The following NDE1 variants were observed in gnomAD, a reference collection of about 807,000 sequenced individuals.
The protein encoded by NDE1 is nuclear distribution protein nudE homolog 1.
A neutral mutation model predicts 43.4 loss-of-function variants in NDE1; 28 were observed. The observed-to-expected ratio is 0.65, with a 90% confidence interval of 0.48 to 0.89. NDE1 has a LOEUF of 0.89. Among genes scored for constraint, NDE1 ranks in the 40% least tolerant of loss-of-function variants. The pLI, the probability that NDE1 is intolerant of heterozygous loss-of-function variation, is 0.00. For synonymous variants in NDE1, 184 were observed against 172.0 expected, an observed-to-expected ratio of 1.07 and a Z score of -0.55; for missense variants, 441 against 434.1, an observed-to-expected ratio of 1.02 and a Z score of -0.14.
intron 8 of NDE1, chr16:15,708,668 C>G: frequency 1.1e-6 from 1 of 912,104 alleles, no homozygotes; most frequent in Non-Finnish European, 1.8e-6. Context: ...CAAAGATATC[C>G]AAGCCTCCAG....
intron 4 of NDE1, chr16:15,683,206 A>G (rs1203188660): frequency 2.0e-5 from 3 of 152,094 alleles, no homozygotes; most frequent in Non-Finnish European, 4.4e-5. Flanking sequence ...TAGTTATCTA[A>G]CCAGTATATC....
chr16:15,695,498 A>G, intron 7 of NDE1: 1 of 127,476 alleles, frequency 7.8e-6, no homozygotes, highest in Non-Finnish European at 1.0e-5. Context: ...TTGGTCTCAA[A>G]AAAAAAAAAA....
At chr16:15,655,898 A>G (rs1006209685) in intron 1 of NDE1, among the ~76,000 whole-genome samples, 1 of 148,780 alleles carries the variant, frequency 6.7e-6, no homozygotes, top group African/African-American at 2.5e-5. Flanking sequence ...CAAACACCGC[A>G]TATTCTCACT....
chr16:15,646,482 G>C (rs547147136), upstream of NDE1, among the ~76,000 whole-genome samples: 2 of 152,276 alleles, frequency 1.3e-5, no homozygotes, highest in African/African-American at 4.8e-5. Flanking sequence ...TCAGGAATCT[G>C]AGGCAGGAGA....
At chr16:15,710,128 C>G (rs933682035) in intron 8 of NDE1, among the ~76,000 whole-genome samples, 1 of 152,188 alleles carries the variant, frequency 6.6e-6, no homozygotes, top group African/African-American at 2.4e-5. Flanking sequence ...CGTGTCGGAA[C>G]TGGCAAAAAT....
intron 8 of NDE1, chr16:15,719,825 G>A: frequency 6.8e-7 from 1 of 1,470,254 alleles, no homozygotes; most frequent in Non-Finnish European, 9.4e-7. Flanking sequence ...TGACCACAAA[G>A]AAGTTCCCAT....
chr16:15,690,337 C>CTT (rs67220509), intron 5 of NDE1, among the ~76,000 whole-genome samples: 1,281 of 73,536 alleles, frequency 0.017, 7 homozygotes, highest in Non-Finnish European at 0.024. Flanking sequence ...TGCAACTGGC[C>CTT]TTTTTTTTTT....
intron 8 of NDE1, among the ~76,000 whole-genome samples, chr16:15,721,843 T>G (rs2040502303): frequency 6.6e-6 from 1 of 151,180 alleles, no homozygotes; most frequent in African/African-American, 2.4e-5. Flanking sequence ...AGCTGACTTG[T>G]TTTTTTTTGT....
intron 3 of NDE1, among the ~76,000 whole-genome samples, chr16:15,676,265 G>A (rs917460359): frequency 1.0e-5 from 1 of 100,002 alleles, no homozygotes; most frequent in African/African-American, 4.0e-5. Context: ...CGCTGTTATT[G>A]CCCAGGCTGG....
At chr16:15,676,000 A>G in intron 3 of NDE1, among the ~76,000 whole-genome samples, 1 of 152,132 alleles carries the variant, frequency 6.6e-6, no homozygotes, top group East Asian at 1.9e-4. Flanking sequence ...GAGGTGGCAC[A>G]GAATAAGTAT....
At chr16:15,716,285 G>A (rs532173676) in intron 8 of NDE1, among the ~76,000 whole-genome samples, 2 of 152,062 alleles carry the variant, frequency 1.3e-5, no homozygotes, top group South Asian at 4.2e-4. Context: ...TGTGGTGATC[G>A]TTTTTACATG....
At chr16:15,686,497 A>C in intron 4 of NDE1, 1 of 985,398 alleles carries the variant, frequency 1.0e-6, no homozygotes, top group South Asian at 4.7e-5. Context: ...GAGAGGTTAA[A>C]TATGATCTCT....
intron 8 of NDE1, chr16:15,719,287 C>T (rs755050373): frequency 1.2e-6 from 2 of 1,612,436 alleles, no homozygotes; most frequent in Non-Finnish European, 8.5e-7. Flanking sequence ...TGTTTGCGAG[C>T]CCTCTCAGCG....
At chr16:15,664,098 G>T (rs749326226) in intron 1 of NDE1, among the ~76,000 whole-genome samples, 1 of 151,694 alleles carries the variant, frequency 6.6e-6, no homozygotes, top group East Asian at 1.9e-4. Context: ...TATTTTATGC[G>T]TAATTTCCAT....
intron 8 of NDE1, chr16:15,719,531 G>A: frequency 1.2e-6 from 2 of 1,611,736 alleles, no homozygotes; most frequent in Non-Finnish European, 8.5e-7. Context: ...AGCTGCCAAG[G>A]GGTGCTACCG....
At chr16:15,711,013 C>G (rs1452127649) in intron 8 of NDE1, 1 of 152,406 alleles carries the variant, frequency 6.6e-6, no homozygotes, top group Non-Finnish European at 1.5e-5. Context: ...CTCTCCTCCA[C>G]TGACCCCTCA....
intron 3 of NDE1, among the ~76,000 whole-genome samples, chr16:15,676,744 G>A (rs906121395): frequency 6.6e-6 from 1 of 152,154 alleles, no homozygotes; most frequent in African/African-American, 2.4e-5. Flanking sequence ...GCCCACTGCA[G>A]CTTCGACCTC....
intron 8 of NDE1, among the ~76,000 whole-genome samples, chr16:15,697,307 T>C (rs1041646622): frequency 9.2e-5 from 14 of 152,284 alleles, no homozygotes; most frequent in Non-Finnish European, 1.5e-4. Context: ...CCTCCCAAAG[T>C]GCTGCGACGA....
At chr16:15,700,062 GC>G in intron 8 of NDE1, 1 of 1,170,874 alleles carries the variant, frequency 8.5e-7, no homozygotes, top group Non-Finnish European at 1.1e-6. Context: ...GACAAAAGGG[GC>G]TCTCTGGGAA....
Sources: allele counts gnomAD v4.1 joint callset (sites outside exome capture counted in the v4.1 genomes callset), GRCh38; gene constraint gnomAD v4.1.1; transcripts MANE v1.5; gene names NCBI Gene and HGNC (gene_info 2026-07-23, HGNC 2026-07-21).